NPAS3: variants seen among roughly 807,000 people sequenced by gnomAD.
NPAS3 encodes the protein neuronal PAS domain protein 3.
In NPAS3, 14 loss-of-function variants were observed where a neutral mutation model predicts 73.1. That is an observed-to-expected ratio of 0.19 (90% CI 0.13 to 0.30). The LOEUF is 0.30. Ranked by LOEUF, NPAS3 falls within the 10% of genes least tolerant of loss-of-function variation. The pLI is 1.00. For synonymous variants in NPAS3, 620 were observed against 541.5 expected, an observed-to-expected ratio of 1.14 and a Z score of -2.01; for missense variants, 1,096 against 1,250.0, an observed-to-expected ratio of 0.88 and a Z score of 1.86.
At chr14:32,995,816 G>A (rs189738606) in intron 1 of NPAS3, among the ~76,000 whole-genome samples, 8 of 152,210 alleles carry the variant, frequency 5.3e-5, no homozygotes, top group African/African-American at 1.4e-4. Context: ...TTGTCCAGTC[G>A]GGTATATCTT....
intron 4 of NPAS3, among the ~76,000 whole-genome samples, chr14:33,538,999 G>A (rs1342552002): frequency 1.3e-5 from 2 of 152,044 alleles, no homozygotes; most frequent in African/African-American, 4.8e-5. Flanking sequence ...TTTTCCTTAT[G>A]CAGGCAACCT....
chr14:33,366,772 G>A (rs1047090140), intron 3 of NPAS3, among the ~76,000 whole-genome samples: 6 of 152,102 alleles, frequency 3.9e-5, no homozygotes, highest in African/African-American at 1.4e-4. Context: ...CCTAGAAGAT[G>A]TAAGAAGTTT....
chr14:33,704,963 C>T (rs993118055), intron 6 of NPAS3, among the ~76,000 whole-genome samples: 1 of 152,168 alleles, frequency 6.6e-6, no homozygotes, highest in African/African-American at 2.4e-5. Context: ...GCAGGTCGCT[C>T]ATAAACCATT....
At chr14:33,392,348 A>T (rs751022903) in intron 4 of NPAS3, among the ~76,000 whole-genome samples, 29 of 152,124 alleles carry the variant, frequency 1.9e-4, no homozygotes, top group African/African-American at 7.0e-4. Flanking sequence ...TCCCAATGAA[A>T]TAGCTATTAG....
chr14:33,057,329 A>G (rs2040926331), intron 2 of NPAS3, among the ~76,000 whole-genome samples: 1 of 151,632 alleles, frequency 6.6e-6, no homozygotes. Context: ...ATTCTTTGTT[A>G]TCTGTGAGTC....
chr14:33,645,532 TAGAC>T (rs2058804846), intron 5 of NPAS3, among the ~76,000 whole-genome samples: 1 of 152,222 alleles, frequency 6.6e-6, no homozygotes, highest in African/African-American at 2.4e-5. Flanking sequence ...TATCTCTAAA[TAGAC>T]AGATTAAGTA....
chr14:33,619,873 C>G (rs1394924529), intron 5 of NPAS3, among the ~76,000 whole-genome samples: 1 of 152,086 alleles, frequency 6.6e-6, no homozygotes, highest in East Asian at 1.9e-4. Context: ...CACATGGTGC[C>G]CCATTTGTTT....
At chr14:33,630,955 G>A (rs1251853441) in intron 5 of NPAS3, among the ~76,000 whole-genome samples, 4 of 152,168 alleles carry the variant, frequency 2.6e-5, no homozygotes, top group African/African-American at 9.7e-5. Flanking sequence ...TATTCCTGGT[G>A]GTCTGAGACT....
intron 3 of NPAS3, among the ~76,000 whole-genome samples, chr14:33,218,857 C>A (rs1425275498): frequency 1.3e-5 from 2 of 152,082 alleles, no homozygotes; most frequent in African/African-American, 4.8e-5. Flanking sequence ...CTTAACAGTC[C>A]ATAAAGGTTG....
intron 4 of NPAS3, among the ~76,000 whole-genome samples, chr14:33,506,773 T>G (rs1007389862): frequency 1.2e-4 from 19 of 152,036 alleles, no homozygotes; most frequent in Admixed American, 7.2e-4. Flanking sequence ...AAAATTCAGG[T>G]CTAGGTAGAT....
intron 3 of NPAS3, among the ~76,000 whole-genome samples, chr14:33,347,274 C>T (rs1336050588): frequency 6.6e-6 from 1 of 152,116 alleles, no homozygotes. Context: ...TAATATCAGA[C>T]ACTGTATCAA....
intron 2 of NPAS3, among the ~76,000 whole-genome samples, chr14:33,211,834 G>A (rs2047049029): frequency 6.6e-6 from 1 of 152,132 alleles, no homozygotes; most frequent in Non-Finnish European, 1.5e-5. Flanking sequence ...GGGGATTCAT[G>A]AAGAATCTCT....
intron 5 of NPAS3, among the ~76,000 whole-genome samples, chr14:33,671,399 A>G (rs1215914726): frequency 6.6e-6 from 1 of 152,212 alleles, no homozygotes; most frequent in Non-Finnish European, 1.5e-5. Flanking sequence ...AGGAAACTTC[A>G]GAGTTACCAA....
At chr14:33,228,216 G>GT (rs2047709772) in intron 3 of NPAS3, among the ~76,000 whole-genome samples, 1 of 152,110 alleles carries the variant, frequency 6.6e-6, no homozygotes, top group South Asian at 2.1e-4. Flanking sequence ...AACATGCACA[G>GT]TTTTTTGGGG....
At chr14:33,330,368 C>T (rs1329208715) in intron 3 of NPAS3, among the ~76,000 whole-genome samples, 2 of 152,212 alleles carry the variant, frequency 1.3e-5, no homozygotes, top group Non-Finnish European at 2.9e-5. Context: ...AATGAATGAT[C>T]TCCAGATTCA....
chr14:33,736,743 C>T (rs572258876), intron 7 of NPAS3, among the ~76,000 whole-genome samples: 2 of 152,262 alleles, frequency 1.3e-5, no homozygotes, highest in African/African-American at 4.8e-5. Context: ...ATTCTTTCTT[C>T]ACCTTTATTC....
At chr14:32,972,298 A>G (rs190391023) in intron 1 of NPAS3, among the ~76,000 whole-genome samples, 1 of 152,250 alleles carries the variant, frequency 6.6e-6, no homozygotes, top group East Asian at 1.9e-4. Context: ...CCGGTACAAT[A>G]CTCATTAAAA....
intron 4 of NPAS3, among the ~76,000 whole-genome samples, chr14:33,535,607 T>C (rs2054227993): frequency 1.3e-5 from 2 of 152,358 alleles, no homozygotes; most frequent in Non-Finnish European, 1.5e-5. Context: ...AATGAATTAA[T>C]CAATTAACAT....
chr14:33,747,477 T>A (rs1595544703), intron 7 of NPAS3, among the ~76,000 whole-genome samples: 1 of 152,196 alleles, frequency 6.6e-6, no homozygotes, highest in Non-Finnish European at 1.5e-5. Flanking sequence ...CCTCTAGGGA[T>A]GCCCCCCATC....
Sources: allele counts gnomAD v4.1 joint callset (sites outside exome capture counted in the v4.1 genomes callset), GRCh38; gene constraint gnomAD v4.1.1; transcripts MANE v1.5; gene names NCBI Gene and HGNC (gene_info 2026-07-23, HGNC 2026-07-21).